Variants in UNC5D observed in about 807,000 individuals in gnomAD.
UNC5D encodes unc-5 netrin receptor D, also known as netrin receptor UNC5D.
In UNC5D, 39 loss-of-function variants were observed where a neutral mutation model predicts 105.4. That is an observed-to-expected ratio of 0.37 (90% CI 0.29 to 0.48). UNC5D has a LOEUF of 0.48. Ranked by LOEUF, UNC5D falls within the 20% of genes least tolerant of loss-of-function variation. The pLI, the probability that UNC5D is intolerant of heterozygous loss-of-function variation, is 0.98. For synonymous variants in UNC5D, 452 were observed against 450.4 expected, an observed-to-expected ratio of 1.00 and a Z score of -0.04; for missense variants, 991 against 1,202.4, an observed-to-expected ratio of 0.82 and a Z score of 2.60.
intron 1 of UNC5D, among the ~76,000 whole-genome samples, chr8:35,289,126 A>G (rs1409964864): frequency 1.3e-5 from 2 of 152,220 alleles, no homozygotes; most frequent in Non-Finnish European, 2.9e-5. Context: ...TCACCTTATC[A>G]GTAATGATAC....
At chr8:35,438,104 C>A (rs566215790) in intron 1 of UNC5D, among the ~76,000 whole-genome samples, 11 of 151,630 alleles carry the variant, frequency 7.3e-5, no homozygotes, top group Non-Finnish European at 1.3e-4. Context: ...GCAAAACAAA[C>A]AAACAAACAA....
At chr8:35,782,293 T>C (rs1321011744) in intron 16 of UNC5D, among the ~76,000 whole-genome samples, 1 of 152,134 alleles carries the variant, frequency 6.6e-6, no homozygotes, top group Non-Finnish European at 1.5e-5. Flanking sequence ...AAGAAGCATA[T>C]GGAGGGTTGG....
intron 3 of UNC5D, among the ~76,000 whole-genome samples, chr8:35,578,798 T>G (rs1818280244): frequency 6.6e-6 from 1 of 152,172 alleles, no homozygotes; most frequent in Non-Finnish European, 1.5e-5. Context: ...ACATGCACAG[T>G]GAAGAACACC....
At chr8:35,260,482 G>T (rs1804410041) in intron 1 of UNC5D, among the ~76,000 whole-genome samples, 1 of 152,122 alleles carries the variant, frequency 6.6e-6, no homozygotes, top group South Asian at 2.1e-4. Flanking sequence ...TATTGTTGTT[G>T]TTGTTTGAGA....
chr8:35,712,219 CA>C (rs1346632613), intron 8 of UNC5D, among the ~76,000 whole-genome samples: 1 of 152,146 alleles, frequency 6.6e-6, no homozygotes, highest in East Asian at 1.9e-4. Flanking sequence ...TACATTGAGT[CA>C]ACATTGCGCC....
intron 1 of UNC5D, among the ~76,000 whole-genome samples, chr8:35,345,338 A>G (rs1244217617): frequency 4.0e-5 from 6 of 151,730 alleles, no homozygotes; most frequent in African/African-American, 9.7e-5. Flanking sequence ...AGAAATGTGG[A>G]AAAAAAAGTG....
intron 3 of UNC5D, among the ~76,000 whole-genome samples, chr8:35,573,972 C>T (rs1322280787): frequency 6.6e-6 from 1 of 152,194 alleles, no homozygotes; most frequent in Non-Finnish European, 1.5e-5. Flanking sequence ...AGAAGTCTAT[C>T]TCTAGGGAAC....
At chr8:35,312,082 C>T (rs1038968611) in intron 1 of UNC5D, among the ~76,000 whole-genome samples, 1 of 152,138 alleles carries the variant, frequency 6.6e-6, no homozygotes, top group Non-Finnish European at 1.5e-5. Context: ...TCATGTTTCC[C>T]AAACTAACAT....
At chr8:35,314,464 A>C (rs917546065) in intron 1 of UNC5D, among the ~76,000 whole-genome samples, 7 of 152,184 alleles carry the variant, frequency 4.6e-5, no homozygotes, top group Non-Finnish European at 8.8e-5. Context: ...TGTAAGAGAC[A>C]CATTTTAGAG....
chr8:35,749,076 A>C (rs1041769590), intron 12 of UNC5D, among the ~76,000 whole-genome samples: 2 of 152,192 alleles, frequency 1.3e-5, no homozygotes, highest in African/African-American at 2.4e-5. Context: ...CTGTGTTCAG[A>C]AAGAAAATAA....
At chr8:35,574,111 T>C (rs1817935835) in intron 3 of UNC5D, among the ~76,000 whole-genome samples, 1 of 152,236 alleles carries the variant, frequency 6.6e-6, no homozygotes, top group African/African-American at 2.4e-5. Context: ...TTTGTAGTTG[T>C]TTATTTTCAT....
At chr8:35,272,006 A>G (rs1805440751) in intron 1 of UNC5D, among the ~76,000 whole-genome samples, 1 of 152,000 alleles carries the variant, frequency 6.6e-6, no homozygotes, top group African/African-American at 2.4e-5. Context: ...CGTGCTGTAG[A>G]GCCTTGGTTA....
At chr8:35,786,691 A>G (rs1280145883) in intron 16 of UNC5D, among the ~76,000 whole-genome samples, 2 of 152,140 alleles carry the variant, frequency 1.3e-5, no homozygotes, top group Middle Eastern at 3.2e-3. Context: ...GAGGCAGGAC[A>G]TAGAGCTAGA....
chr8:35,788,689 A>ACAC (rs1802864713), intron 16 of UNC5D, among the ~76,000 whole-genome samples: 63 of 151,298 alleles, frequency 4.2e-4, no homozygotes, highest in African/African-American at 1.4e-3. Context: ...GAAGGCAGAA[A>ACAC]ACACACACAC....
At chr8:35,542,822 G>C (rs555703563) in intron 1 of UNC5D, among the ~76,000 whole-genome samples, 1 of 152,164 alleles carries the variant, frequency 6.6e-6, no homozygotes, top group Non-Finnish European at 1.5e-5. Context: ...AAATATAAAT[G>C]TTAGGATAAT....
At chr8:35,712,822 G>T (rs1828037212) in intron 8 of UNC5D, among the ~76,000 whole-genome samples, 2 of 152,146 alleles carry the variant, frequency 1.3e-5, no homozygotes, top group South Asian at 4.1e-4. Flanking sequence ...AAGATTTCTA[G>T]GCTCTCCTAA....
At chr8:35,355,554 G>C (rs1322842129) in intron 1 of UNC5D, among the ~76,000 whole-genome samples, 1 of 152,148 alleles carries the variant, frequency 6.6e-6, no homozygotes, top group Non-Finnish European at 1.5e-5. Context: ...GTCAAGCAGA[G>C]TGAAGTATCC....
chr8:35,657,019 A>G (rs1823776562), intron 4 of UNC5D, among the ~76,000 whole-genome samples: 1 of 139,244 alleles, frequency 7.2e-6, no homozygotes, highest in Non-Finnish European at 1.5e-5. Flanking sequence ...TGATCTTGCT[A>G]TGCTGCCCAA....
rs180851430 is a variant in UNC5D, at chr8:35,628,754, T to C, written c.570+33097T>C. On this transcript the variant is annotated intron_variant, in intron 4 of 16. Transcript: ENST00000404895. ...GAAAAGCTTGTTAGCATAGACACTCTGAGCAGTTAGTTTAATGCTTATCAT... is the reference window on the plus strand; with the variant it reads ...GAAAAGCTTGTTAGCATAGACACTCCGAGCAGTTAGTTTAATGCTTATCAT... Among the ~76,000 whole-genome samples, 279 of 152,352 alleles carry C rather than the reference T, an allele frequency of 1.8e-3. 3 individuals carry two copies. Among genetic ancestry groups the C allele is most frequent in the Admixed American group, 0.017 (261 of 15,304 alleles).
Sources: gnomAD v4.1 joint callset for allele counts (sites outside exome capture counted in the v4.1 genomes callset) on GRCh38, gnomAD v4.1.1 for gene constraint, MANE v1.5 for transcripts, NCBI Gene and HGNC (gene_info 2026-07-23, HGNC 2026-07-21) for gene names.